Variants in NRXN3 observed in about 807,000 individuals in gnomAD.
NRXN3 encodes the protein neurexin III.
A neutral mutation model predicts 137.6 loss-of-function variants in NRXN3; 32 were observed. The observed-to-expected ratio is 0.23, with a 90% CI of 0.18 to 0.31. The LOEUF (loss-of-function observed/expected upper bound fraction) is 0.31, where lower values mean the gene tolerates loss of function less well. Ranked by LOEUF, NRXN3 falls within the 10% of genes least tolerant of loss-of-function variation. NRXN3 has a pLI of 1.00. For missense variants in NRXN3, 1,574 were observed against 2,062.5 expected, an observed-to-expected ratio of 0.76 and a Z score of 4.59; for synonymous variants, 798 against 784.5, an observed-to-expected ratio of 1.02 and a Z score of -0.29.
intron 16 of NRXN3, among the ~76,000 whole-genome samples, chr14:79,534,260 G>A (rs1395541531): frequency 6.6e-6 from 1 of 152,088 alleles, no homozygotes; most frequent in Non-Finnish European, 1.5e-5. Context: ...CCCAATTTAT[G>A]GCCAAGACTG....
chr14:79,286,451 A>C (rs2082266951), intron 15 of NRXN3, among the ~76,000 whole-genome samples: 1 of 151,378 alleles, frequency 6.6e-6, no homozygotes, highest in Non-Finnish European at 1.5e-5. Flanking sequence ...TTATTTTTTG[A>C]AAGTTCATCT....
At chr14:79,180,452 T>G (rs2062804340) in intron 15 of NRXN3, among the ~76,000 whole-genome samples, 4 of 152,214 alleles carry the variant, frequency 2.6e-5, no homozygotes, top group Admixed American at 2.6e-4. Flanking sequence ...TATCAAATTT[T>G]TGACAGTATG....
At chr14:79,451,901 T>C (rs540892870) in intron 15 of NRXN3, among the ~76,000 whole-genome samples, 2 of 152,314 alleles carry the variant, frequency 1.3e-5, no homozygotes, top group East Asian at 1.9e-4. Context: ...GAGAGTGATG[T>C]GTCTGGGATC....
At chr14:79,572,597 C>T (rs1327075407) in intron 16 of NRXN3, among the ~76,000 whole-genome samples, 1 of 152,098 alleles carries the variant, frequency 6.6e-6, no homozygotes, top group Non-Finnish European at 1.5e-5. Flanking sequence ...TTCCTTTACT[C>T]ATCTTTTGAG....
chr14:78,858,994 C>A (rs977771500), intron 10 of NRXN3, among the ~76,000 whole-genome samples: 5 of 152,172 alleles, frequency 3.3e-5, no homozygotes, highest in African/African-American at 4.8e-5. Flanking sequence ...AATCTCACCT[C>A]AAATTGTAAT....
At chr14:79,320,403 G>A (rs1260315650) in intron 15 of NRXN3, among the ~76,000 whole-genome samples, 1 of 152,132 alleles carries the variant, frequency 6.6e-6, no homozygotes, top group Non-Finnish European at 1.5e-5. Flanking sequence ...ATGTGTTGCT[G>A]GTGCAATCTC....
In NRXN3 at chr14:79,187,206, C is replaced by T. The variant is rs112133257; in HGVS notation, c.3262+199065C>T. On this transcript the variant is annotated intron_variant, in intron 15 of 20. Coordinates refer to ENST00000335750, the MANE Select transcript of NRXN3 (RefSeq NM_001330195.2). ...AAATTTCAAACAAGTGTACCATGAG[C>T]GGAGTCAGAGCCCCTCTTGAAAGCA... Among the ~76,000 whole-genome samples, 377 of 152,260 alleles carry T rather than the reference C, an allele frequency of 2.5e-3. 3 individuals carry two copies. Among genetic ancestry groups the T allele is most frequent in the African/African-American group, 8.3e-3 (344 of 41,554 alleles).
intron 15 of NRXN3, among the ~76,000 whole-genome samples, chr14:79,199,371 A>T (rs1357859389): frequency 1.3e-5 from 2 of 152,184 alleles, no homozygotes; most frequent in East Asian, 3.9e-4. Context: ...TCCTGTGAGA[A>T]GGACAAAATT....
At chr14:79,462,961 C>T (rs980674150) in intron 15 of NRXN3, among the ~76,000 whole-genome samples, 1 of 99,536 alleles carries the variant, frequency 1.0e-5, no homozygotes, top group African/African-American at 5.3e-5. Context: ...AATCTTAAGA[C>T]AAGAATTCTA....
At chr14:78,414,906 G>A (rs2093042465) in intron 4 of NRXN3, among the ~76,000 whole-genome samples, 1 of 152,136 alleles carries the variant, frequency 6.6e-6, no homozygotes, top group South Asian at 2.1e-4. Flanking sequence ...ATGTGGGAGA[G>A]GAGAGCAAGG....
intron 15 of NRXN3, among the ~76,000 whole-genome samples, chr14:79,397,188 G>C (rs1015457919): frequency 3.9e-5 from 6 of 151,952 alleles, no homozygotes; most frequent in African/African-American, 1.5e-4. Context: ...TTAAGTGTTA[G>C]CCTGAGATTA....
At chr14:78,990,518 C>A (rs923687280) in intron 15 of NRXN3, among the ~76,000 whole-genome samples, 1 of 151,862 alleles carries the variant, frequency 6.6e-6, no homozygotes, top group Non-Finnish European at 1.5e-5. Flanking sequence ...ATTACAGGTG[C>A]CTGCCACTAC....
At chr14:78,631,343 A>G (rs1338891351) in intron 4 of NRXN3, among the ~76,000 whole-genome samples, 3 of 152,196 alleles carry the variant, frequency 2.0e-5, no homozygotes, top group Non-Finnish European at 4.4e-5. Flanking sequence ...TTCATCTACA[A>G]AGTGTGGTCA....
intron 15 of NRXN3, among the ~76,000 whole-genome samples, chr14:79,255,693 T>C (rs2076482829): frequency 6.6e-6 from 1 of 152,266 alleles, no homozygotes; most frequent in African/African-American, 2.4e-5. Flanking sequence ...AACATGGTGC[T>C]ACATAGCGAG....
intron 4 of NRXN3, among the ~76,000 whole-genome samples, chr14:78,394,695 G>C (rs928323303): frequency 6.6e-6 from 1 of 151,744 alleles, no homozygotes; most frequent in African/African-American, 2.4e-5. Flanking sequence ...TCTGGACCTA[G>C]AGATTTTATT....
chr14:78,777,702 A>G (rs987644), intron 8 of NRXN3, among the ~76,000 whole-genome samples: 93,218 of 152,042 alleles, frequency 0.61, 34,340 homozygotes, highest in Non-Finnish European at 0.8. Context: ...CTCACCATTT[A>G]ACAAAAAATT....
At chr14:79,599,380 T>G (rs2097898244) in intron 16 of NRXN3, among the ~76,000 whole-genome samples, 1 of 152,148 alleles carries the variant, frequency 6.6e-6, no homozygotes, top group Non-Finnish European at 1.5e-5. Flanking sequence ...AGGAAAAAAA[T>G]TAAAACTACC....
intron 16 of NRXN3, chr14:79,661,637 C>T (rs2098534349): frequency 6.6e-6 from 1 of 152,128 alleles, no homozygotes; most frequent in African/African-American, 2.4e-5. Flanking sequence ...TTAATGAATA[C>T]ATGAATGAAT....
intron 4 of NRXN3, among the ~76,000 whole-genome samples, chr14:78,644,918 A>G (rs1474502404): frequency 6.6e-6 from 1 of 152,236 alleles, no homozygotes; most frequent in Non-Finnish European, 1.5e-5. Context: ...TCGTGTGGAC[A>G]CGTCGTTTCT....
Sources: gnomAD v4.1 joint callset for allele counts (sites outside exome capture counted in the v4.1 genomes callset) on GRCh38, gnomAD v4.1.1 for gene constraint, MANE v1.5 for transcripts, NCBI Gene and HGNC (gene_info 2026-07-23, HGNC 2026-07-21) for gene names.